The following CEP72 variants were observed in gnomAD, a reference collection of about 807,000 sequenced individuals.
CEP72 encodes centrosomal protein of 72 kDa.
In CEP72, 78 loss-of-function variants were observed where a neutral mutation model predicts 65.7. The ratio of observed to expected loss-of-function variants is 1.19; its 90% CI spans 0.99 to 1.43. CEP72 has a LOEUF of 1.43. CEP72 is among the 40% of genes most tolerant of loss of function. The pLI is 0.00. For missense variants in CEP72, 914 were observed against 832.9 expected (o/e 1.10, Z -1.20); for synonymous variants, 358 against 351.7 (o/e 1.02, Z -0.20).
chr5:642,585 A>G, intron 9 of CEP72: 1 of 985,474 alleles, frequency 1.0e-6, no homozygotes, highest in Non-Finnish European at 1.2e-6. Flanking sequence ...GGTGAGAGTC[A>G]CATGCAGCTG....
rs72377626 is a variant in CEP72, at chr5:629,002, CG to C, written c.512+4424del. ...GGACCCAGCCCCCTTCTTTGTGCAG[CG>C]TTCTGGAGAACTCAGATCGCAGGCC... On this transcript the variant is annotated intron_variant, in intron 4 of 11. Coordinates refer to ENST00000264935, the MANE Select transcript of CEP72 (RefSeq NM_018140.4). Among the ~76,000 whole-genome samples the C allele has an allele frequency of 1.5e-3, 218 of 144,296 alleles. 7 individuals are homozygous for C. The highest frequency in any genetic ancestry group is 4.1e-3 in the African/African-American group (155 of 38,226). 94.7% of individuals were successfully genotyped at this position (144,296 alleles called of 152,430 possible).
In CEP72 at chr5:640,341, G is replaced by C. The variant is rs1266876973; in HGVS notation, c.1343-67G>C. The C allele has an allele frequency of 2.6e-6, 4 of 1,561,324 alleles. No homozygotes were observed. The Admixed American group carries it at 5.4e-5, about 21-fold the overall frequency. On this transcript the variant is annotated intron_variant, in intron 8 of 11. Coordinates refer to ENST00000264935, the MANE Select transcript of CEP72 (RefSeq NM_018140.4). ...GTCTGTGTGATTCAAAACATACTGAGCCGATTTTGTTTACATTTCATCCTT... is the reference window on the plus strand; with the variant it reads ...GTCTGTGTGATTCAAAACATACTGACCCGATTTTGTTTACATTTCATCCTT...
At chr5:673,158 G>GCAACT in the CEP72 span, among the ~76,000 whole-genome samples, 304 of 149,354 alleles carry the variant, frequency 2.0e-3, 1 homozygote, top group African/African-American at 7.6e-3. Flanking sequence ...CAAAACAAAA[G>GCAACT]CAACTCCCAC....
At chr5:653,759 C>T (rs1242288464), downstream of CEP72, among the ~76,000 whole-genome samples, 2 of 152,194 alleles carry the variant, frequency 1.3e-5, no homozygotes, top group African/African-American at 4.8e-5. Context: ...CTACCCAAGC[C>T]CTGGCTCGCT....
intron 10 of CEP72, among the ~76,000 whole-genome samples, chr5:646,758 G>A (rs1244578330): frequency 6.6e-6 from 1 of 152,260 alleles, no homozygotes; most frequent in Admixed American, 6.5e-5. Flanking sequence ...TCCCAAGGGA[G>A]CAAAGGACAC....
intron 10 of CEP72, among the ~76,000 whole-genome samples, chr5:647,123 G>A (rs992577125): frequency 6.6e-6 from 1 of 152,228 alleles, no homozygotes. Context: ...CCTTGTGGGT[G>A]AGAAGAGCCT....
intron 6 of CEP72, among the ~76,000 whole-genome samples, 190 bp from the exon 7 acceptor site, chr5:637,327 C>T (rs918676271): frequency 5.9e-5 from 9 of 152,142 alleles, no homozygotes; most frequent in Admixed American, 2.6e-4. Flanking sequence ...CCTCCCTCTG[C>T]ATGTGCCTTT....
intron 4 of CEP72, among the ~76,000 whole-genome samples, chr5:627,136 G>T (rs1214631007): frequency 6.6e-6 from 1 of 152,192 alleles, no homozygotes; most frequent in Admixed American, 6.5e-5. Context: ...GGTACTTTCT[G>T]TTTTGGAAGG....
At chr5:646,783 G>A (rs3805416) in intron 10 of CEP72, among the ~76,000 whole-genome samples, 17,963 of 152,242 alleles carry the variant, frequency 0.12, 1,124 homozygotes, top group South Asian at 0.23. Flanking sequence ...GGGCTGTCCC[G>A]TTCTCAGAGC....
At chr5:642,386 GC>G (rs1380955973) in intron 9 of CEP72, 5 of 985,336 alleles carry the variant, frequency 5.1e-6, no homozygotes, top group Non-Finnish European at 6.0e-6. Flanking sequence ...AACACGTGTG[GC>G]CCCCCGTCTG....
chr5:636,632 G>A (rs1737619342), intron 6 of CEP72, among the ~76,000 whole-genome samples: 1 of 152,074 alleles, frequency 6.6e-6, no homozygotes, highest in Non-Finnish European at 1.5e-5. Flanking sequence ...CCAACATGGT[G>A]AAACCAGGTC....
At chr5:625,034 G>A (rs1050478097) in intron 4 of CEP72, among the ~76,000 whole-genome samples, 3 of 152,174 alleles carry the variant, frequency 2.0e-5, no homozygotes, top group Non-Finnish European at 2.9e-5. Context: ...ACGGTGCCGG[G>A]ATGCGCCTTC....
chr5:625,966 C>T (rs1736730137), intron 4 of CEP72, among the ~76,000 whole-genome samples: 1 of 152,012 alleles, frequency 6.6e-6, no homozygotes, highest in Non-Finnish European at 1.5e-5. Context: ...AATTTGATTG[C>T]CTCTGTAAGT....
the CEP72 span, among the ~76,000 whole-genome samples, chr5:674,389 C>A: frequency 6.6e-6 from 1 of 152,158 alleles, no homozygotes; most frequent in Non-Finnish European, 1.5e-5. Flanking sequence ...GAGGAGCTGC[C>A]CTGCCCTTGC....
chr5:668,667 C>G (rs1294797332), downstream of CEP72, among the ~76,000 whole-genome samples: 1 of 152,260 alleles, frequency 6.6e-6, no homozygotes, highest in African/African-American at 2.4e-5. Flanking sequence ...AAAGGTGGCC[C>G]AGCAGTCCCG....
chr5:654,631 G>T (rs1739321922), downstream of CEP72, among the ~76,000 whole-genome samples: 1 of 152,178 alleles, frequency 6.6e-6, no homozygotes, highest in African/African-American at 2.4e-5. Context: ...TTTCTGTAGG[G>T]TTGGGATGGG....
chr5:675,503 C>G, the CEP72 span, among the ~76,000 whole-genome samples: 1,030 of 31,380 alleles, frequency 0.033, 47 homozygotes, highest in Admixed American at 0.17. Flanking sequence ...GTGGCCGGGG[C>G]TGCAGTGTGA....
Position 639,189 on chromosome 5 carries a change from G to T in CEP72, c.1307G>T (p.Gly436Val). 6.2e-7 allele frequency: 1 copy of T among 1,605,802 alleles called. No homozygotes were observed. The part of the protein sequence containing the change: ...LLDLVDRSWG[G>V]CRSLHSNEAF... ...GACCTGGTGGACAGGAGCTGGGGCGGCTGCAGGTCCCTGCACAGCAACGAG... is the reference window on the plus strand; with the variant it reads ...GACCTGGTGGACAGGAGCTGGGGCGTCTGCAGGTCCCTGCACAGCAACGAG... Residue 436 changes from glycine (G) to valine (V), a missense_variant, in exon 8 of 12, where the codon GGC (glycine) becomes GTC (valine). By Grantham distance (109) the Gly-to-Val change is moderately radical (BLOSUM62 -3). Transcript: ENST00000264935.
chr5:619,184 G>T lies in CEP72; in HGVS notation c.210+67G>T, dbSNP rs76258138. 1,286 of 1,453,278 alleles carry T rather than the reference G, an allele frequency of 8.8e-4. 14 individuals are homozygous for T. The African/African-American group carries it at 0.016, about 18-fold the overall frequency. The allele number at this position is 1,453,278 out of a possible 1,614,324, so 90.0% of individuals were successfully genotyped here. ...ATCAGTGGAAAGTCCATTCACAGCA[G>T]AAACGGAGTCTGTTTTGTAACCCTC... On this transcript the variant is annotated intron_variant, in intron 2 of 11. Transcript: ENST00000264935.
Sources: allele counts gnomAD v4.1 joint callset (sites outside exome capture counted in the v4.1 genomes callset), GRCh38; gene constraint gnomAD v4.1.1; transcripts MANE v1.5; gene names NCBI Gene and HGNC (gene_info 2026-07-23, HGNC 2026-07-21).